BCAS3: variants seen among roughly 807,000 people sequenced by gnomAD.
BCAS3 encodes BCAS3 microtubule associated cell migration factor.
A neutral mutation model predicts 116.1 loss-of-function variants in BCAS3; 53 were observed. The observed-to-expected ratio is 0.46, with a 90% confidence interval of 0.37 to 0.57. The LOEUF (loss-of-function observed/expected upper bound fraction) is 0.57, where lower values mean the gene tolerates loss of function less well. Ranked by LOEUF, BCAS3 falls within the 20% of genes least tolerant of loss-of-function variation. The probability of loss-of-function intolerance (pLI) is 0.00; values close to 1 mark genes in which losing one functional copy is unlikely to be tolerated. For synonymous variants in BCAS3, 391 were observed against 408.2 expected, an observed-to-expected ratio of 0.96 and a Z score of 0.51; for missense variants, 917 against 1,165.4, an observed-to-expected ratio of 0.79 and a Z score of 3.10.
chr17:60,992,243 C>T (rs1417127998), intron 15 of BCAS3, among the ~76,000 whole-genome samples: 1 of 149,046 alleles, frequency 6.7e-6, no homozygotes, highest in Non-Finnish European at 1.5e-5. Flanking sequence ...CTGTAGGAAG[C>T]TTAAAGATAG....
At chr17:60,734,582 A>G (rs79598718) in intron 5 of BCAS3, among the ~76,000 whole-genome samples, 5,124 of 152,294 alleles carry the variant, frequency 0.034, 239 homozygotes, top group African/African-American at 0.1. Flanking sequence ...TTTGTTGAAA[A>G]GACTATCTTG....
chr17:61,288,844 C>T (rs1350809438), intron 22 of BCAS3, among the ~76,000 whole-genome samples: 1 of 152,228 alleles, frequency 6.6e-6, no homozygotes, highest in Non-Finnish European at 1.5e-5. Flanking sequence ...AGGATGGTGG[C>T]TGGTGTTTTC....
chr17:60,893,691 C>T lies in BCAS3; in HGVS notation c.738+3920C>T, dbSNP rs755818501. Reference sequence around the variant, plus strand: ...TGGCGTAATCTCTGCTTGTTGCAACCTCCGCCTCCTGGGTTCAAGTGATTC... The same window carrying T: ...TGGCGTAATCTCTGCTTGTTGCAACTTCCGCCTCCTGGGTTCAAGTGATTC... On this transcript the variant is annotated intron_variant, in intron 10 of 23. Transcript: ENST00000407086. Among the ~76,000 whole-genome samples, 3 of 147,890 alleles carry T rather than the reference C, an allele frequency of 2.0e-5. No homozygotes were observed. The South Asian group carries it at 6.3e-4, about 31-fold the overall frequency.
chr17:61,342,113 CCTGCCT>C (rs2057204281), intron 22 of BCAS3, among the ~76,000 whole-genome samples: 2 of 152,156 alleles, frequency 1.3e-5, no homozygotes, highest in Admixed American at 6.5e-5. Flanking sequence ...AAGCAATTCT[CCTGCCT>C]CAGCCTCCTG....
intron 6 of BCAS3, among the ~76,000 whole-genome samples, chr17:60,776,591 C>A (rs1335857293): frequency 2.0e-5 from 3 of 151,776 alleles, no homozygotes; most frequent in Non-Finnish European, 4.4e-5. Flanking sequence ...TGGTGGCGTG[C>A]ACCTGTAATC....
At chr17:61,340,347 TC>T (rs1001793795) in intron 22 of BCAS3, among the ~76,000 whole-genome samples, 11 of 151,634 alleles carry the variant, frequency 7.3e-5, no homozygotes, top group African/African-American at 2.4e-4. Flanking sequence ...GTGGGTGGAT[TC>T]CAGGACAGGA....
chr17:61,340,568 C>T (rs2057072137), intron 22 of BCAS3, among the ~76,000 whole-genome samples: 1 of 152,172 alleles, frequency 6.6e-6, no homozygotes, highest in African/African-American at 2.4e-5. Flanking sequence ...GAGTGATCAT[C>T]AGGTCAGGCT....
intron 23 of BCAS3, chr17:61,389,494 C>G (rs2060022399): frequency 6.6e-6 from 1 of 152,346 alleles, no homozygotes; most frequent in Non-Finnish European, 1.5e-5. Context: ...TGTACATAGC[C>G]CACTCTGGCT....
chr17:60,890,327 G>A (rs1237576085), intron 10 of BCAS3, among the ~76,000 whole-genome samples: 3 of 152,062 alleles, frequency 2.0e-5, no homozygotes, highest in South Asian at 2.1e-4. Flanking sequence ...GGTGGCATGC[G>A]CCTGTAATCC....
intron 22 of BCAS3, among the ~76,000 whole-genome samples, chr17:61,223,916 A>G (rs1482032091): frequency 6.6e-6 from 1 of 152,254 alleles, no homozygotes; most frequent in African/African-American, 2.4e-5. Context: ...TCAACCAAGC[A>G]GCAGAGCTGG....
rs377270610 is a variant in BCAS3 at position 61,234,417 on chromosome 17, C to A, written c.2426-133910C>A. ...CTCTGTTTTCCACCTGTCATCTCAGCCAAGACCTTGCAGATTCAATACTAA... is the reference window on the plus strand; with the variant it reads ...CTCTGTTTTCCACCTGTCATCTCAGACAAGACCTTGCAGATTCAATACTAA... On this transcript the variant is annotated intron_variant, in intron 22 of 23. Transcript: ENST00000407086. Among the ~76,000 whole-genome samples, 6 of 152,270 alleles carry A rather than the reference C, an allele frequency of 3.9e-5. 1 individual carries two copies. Among genetic ancestry groups the A allele is most frequent in the African/African-American group, 1.4e-4 (6 of 41,556 alleles).
chr17:61,311,699 C>T (rs2054319748), intron 22 of BCAS3, among the ~76,000 whole-genome samples: 1 of 152,080 alleles, frequency 6.6e-6, no homozygotes, highest in East Asian at 1.9e-4. Context: ...TCGAGACCAT[C>T]CTGGCCAACA....
chr17:60,829,196 G>A (rs988872389), intron 7 of BCAS3, among the ~76,000 whole-genome samples: 113 of 152,096 alleles, frequency 7.4e-4, no homozygotes, highest in African/African-American at 2.1e-3. Context: ...ATGATGTAAT[G>A]TATAACAATA....
In BCAS3 at chr17:60,691,780, T is replaced by A. The variant is rs76253877; in HGVS notation, c.214+2019T>A. On this transcript the variant is annotated intron_variant, in intron 4 of 23. Coordinates refer to ENST00000407086, the MANE Select transcript of BCAS3 (RefSeq NM_017679.5). ...AAGTCTGAGTGTCGCTTTTACAGATTGGTTTCATTTGAATTTTGGACTCTC... is the reference window on the plus strand; with the variant it reads ...AAGTCTGAGTGTCGCTTTTACAGATAGGTTTCATTTGAATTTTGGACTCTC... 3.6e-3 allele frequency among the ~76,000 whole-genome samples: 547 copies of A among 152,148 alleles called. 8 individuals carry two copies. The highest frequency in any genetic ancestry group is 0.035 in the South Asian group (170 of 4,822).
intron 22 of BCAS3, among the ~76,000 whole-genome samples, chr17:61,157,692 G>T (rs752399096): frequency 1.3e-5 from 2 of 148,900 alleles, no homozygotes. Context: ...TCAGTGGAGA[G>T]GCTCGCCAGC....
In BCAS3 at chr17:61,199,484, T is replaced by C. The variant is rs1164929444; in HGVS notation, c.2425+114920T>C. Among the ~76,000 whole-genome samples, 1 of 152,212 alleles carries C rather than the reference T, an allele frequency of 6.6e-6. No individual in the cohort carries two copies. Among genetic ancestry groups the C allele is most frequent in the Admixed American group, 6.5e-5 (1 of 15,284 alleles). ...AACCAAATTTAGAATGTGACACCAT[T>C]GTTTAGGTGTATGTGATTCATTTTT... On this transcript the variant is annotated intron_variant, in intron 22 of 23. Transcript: ENST00000407086. This position sits in a 1 kb window ranked among gnomAD's most constrained non-coding sequence, Gnocchi z 4.6.
rs2082184453 is a variant in BCAS3, at chr17:61,222,899, G to A, written c.2425+138335G>A. Reference sequence around the variant, plus strand: ...CATGTTTGCTCCCTTTCTGAAAGATGGGGGTTGTAATTTGTTTGCTGTTTA... The same window carrying A: ...CATGTTTGCTCCCTTTCTGAAAGATAGGGGTTGTAATTTGTTTGCTGTTTA... On this transcript the variant is annotated intron_variant, in intron 22 of 23. Coordinates refer to ENST00000407086, the MANE Select transcript of BCAS3 (RefSeq NM_017679.5). This position sits in a 1 kb window ranked among gnomAD's most constrained non-coding sequence, Gnocchi z 6.1. Among the ~76,000 whole-genome samples the A allele has an allele frequency of 6.6e-6, 1 of 152,148 alleles. No individual in the cohort carries two copies. The highest frequency in any genetic ancestry group is 2.1e-4 in the South Asian group (1 of 4,826).
At chr17:61,202,827 T>A (rs751743450) in intron 22 of BCAS3, among the ~76,000 whole-genome samples, 106 of 152,262 alleles carry the variant, frequency 7.0e-4, no homozygotes, top group Non-Finnish European at 1.1e-3. Context: ...AGATGATGAG[T>A]CAATCGTAGA....
chr17:61,186,089 A>G lies in BCAS3; in HGVS notation c.2425+101525A>G, dbSNP rs142455636. Among the ~76,000 whole-genome samples the G allele has an allele frequency of 5.6e-3, 854 of 152,314 alleles. 6 individuals are homozygous for G. Among genetic ancestry groups the G allele is most frequent in the South Asian group, 0.023 (110 of 4,828 alleles). On this transcript the variant is annotated intron_variant, in intron 22 of 23. Coordinates refer to ENST00000407086, the MANE Select transcript of BCAS3 (RefSeq NM_017679.5). This position sits in a 1 kb window ranked among gnomAD's most constrained non-coding sequence, Gnocchi z 4.9. ...TATAATTTTTATTTTTTTGCCTAAT[A>G]GCCAATTGCTTTGAAAAATGTAGTC...
Sources: gnomAD v4.1 joint callset for allele counts (sites outside exome capture counted in the v4.1 genomes callset) on GRCh38, gnomAD v4.1.1 for gene constraint, Gnocchi (gnomAD v3.1) non-coding constraint, MANE v1.5 for transcripts, NCBI Gene and HGNC (gene_info 2026-07-23, HGNC 2026-07-21) for gene names.